TRIM38: variants seen among roughly 807,000 people sequenced by gnomAD.
TRIM38 encodes tripartite motif containing 38, also known as E3 ubiquitin-protein ligase TRIM38.
A neutral mutation model predicts 35.8 loss-of-function variants in TRIM38; 35 were observed. The observed-to-expected ratio is 0.98, with a 90% CI of 0.75 to 1.30. The LOEUF is 1.30. TRIM38 is among the 50% of genes most tolerant of loss of function. The probability of loss-of-function intolerance (pLI) is 0.00; values close to 1 mark genes in which losing one functional copy is unlikely to be tolerated. For missense variants in TRIM38, 545 were observed against 556.9 expected, an observed-to-expected ratio of 0.98 and a Z score of 0.21; for synonymous variants, 198 against 204.7, an observed-to-expected ratio of 0.97 and a Z score of 0.28.
At chr6:25,978,474 G>C (rs1760458416) in intron 7 of TRIM38, among the ~76,000 whole-genome samples, 1 of 151,898 alleles carries the variant, frequency 6.6e-6, no homozygotes, top group African/African-American at 2.4e-5. Flanking sequence ...GTGAAGCATT[G>C]ATTGGTACAT....
In TRIM38 at chr6:25,972,096, G is replaced by T. The variant is rs1411671098; in HGVS notation, c.735G>T (p.Leu245=). The change falls in exon 5 of 8, where the codon CTG becomes CTT. Residue 245 remains leucine (L), a synonymous_variant. Coordinates refer to ENST00000357085, the MANE Select transcript of TRIM38 (RefSeq NM_006355.5). ...GTCAGGGCTCAGCCCAGAAATTGCT[G>T]CAGGTGAGGCTGTGTACTTGGAGTA... ...EKCQGSAQKL[L]QNVNDTLSRS... 1 of 1,613,968 alleles carries T rather than the reference G, an allele frequency of 6.2e-7. No homozygotes were observed. Among genetic ancestry groups the T allele is most frequent in the Non-Finnish European group, 8.5e-7 (1 of 1,179,880 alleles).
Position 25,990,868 on chromosome 6 carries a change from T to A in TRIM38, c.*7181T>A, listed in dbSNP as rs1311989037. Reference sequence around the variant, plus strand: ...CAGGCCATCACTGTGATACATTTTTTAAAACACATTAAATTATCACCAGAA... The same window carrying A: ...CAGGCCATCACTGTGATACATTTTTAAAAACACATTAAATTATCACCAGAA... On this transcript the variant is annotated 3_prime_UTR_variant, in exon 8 of 8. Coordinates refer to ENST00000357085, the MANE Select transcript of TRIM38 (RefSeq NM_006355.5). The A allele has an allele frequency of 6.6e-6, 1 of 152,208 alleles. No homozygotes were observed. The highest frequency in any genetic ancestry group is 1.5e-5 in the Non-Finnish European group (1 of 68,034). The allele number at this position is 152,208 out of a possible 1,614,324, so 9.4% of individuals were successfully genotyped here. A position where few individuals can be genotyped will look rare whatever the true frequency, so the allele number is the denominator to read the frequency against.
rs150237996 is a variant in TRIM38, at chr6:25,984,354, C to T, written c.*667C>T. On this transcript the variant is annotated 3_prime_UTR_variant, in exon 8 of 8. Transcript: ENST00000357085. ...TTTGGTATTTTCCAGTCTGCTAGGA[C>T]CAATTACCTTGAAATATTTTAAAAT... 1,205 of 152,392 alleles carry T rather than the reference C, an allele frequency of 7.9e-3. 9 individuals are homozygous for T. The highest frequency in any genetic ancestry group is 0.044 in the Middle Eastern group (13 of 294). 9.4% of individuals were successfully genotyped at this position (152,392 alleles called of 1,614,324 possible). A position where few individuals can be genotyped will look rare whatever the true frequency, so the allele number is the denominator to read the frequency against.
intron 4 of TRIM38, among the ~76,000 whole-genome samples, chr6:25,970,491 A>T (rs1201846794): frequency 1.3e-5 from 2 of 152,150 alleles, no homozygotes; most frequent in Non-Finnish European, 2.9e-5. Flanking sequence ...CTCTTTCAGG[A>T]GTCCTCTCTA....
chr6:25,972,504 T>C (rs568716233), intron 5 of TRIM38, among the ~76,000 whole-genome samples: 2 of 152,204 alleles, frequency 1.3e-5, no homozygotes, highest in Non-Finnish European at 2.9e-5. Flanking sequence ...GCTTTATCTG[T>C]AGGAAGATAA....
At chr6:25,969,975 T>C (rs1474268996) in intron 4 of TRIM38, among the ~76,000 whole-genome samples, 1 of 152,158 alleles carries the variant, frequency 6.6e-6, no homozygotes. Context: ...TGGAGTGTAG[T>C]GGTGCGATCT....
At chr6:25,975,095 C>T (rs534684042) in intron 7 of TRIM38, 310 of 932,580 alleles carry the variant, frequency 3.3e-4, no homozygotes, top group Admixed American at 1.1e-3. Flanking sequence ...TGCAGTGGTG[C>T]GATCTCGGCT....
chr6:25,975,853 T>A (rs551949986), intron 7 of TRIM38, among the ~76,000 whole-genome samples: 18 of 152,226 alleles, frequency 1.2e-4, no homozygotes, highest in Non-Finnish European at 4.4e-5. Flanking sequence ...TATTACAATG[T>A]TGCTACAATA....
intron 2 of TRIM38, among the ~76,000 whole-genome samples, chr6:25,965,749 C>T (rs1434501686): frequency 6.6e-6 from 1 of 151,446 alleles, no homozygotes; most frequent in Non-Finnish European, 1.5e-5. Flanking sequence ...GAAACCCCAT[C>T]TCTACTAAAA....
In TRIM38 at chr6:25,983,487, C is replaced by G; in HGVS notation, c.1198C>G (p.Pro400Ala). The change falls in exon 8 of 8, where the codon CCA (proline) becomes GCA (alanine). Residue 400 changes from proline to alanine, a missense_variant. Coordinates refer to ENST00000357085, the MANE Select transcript of TRIM38 (RefSeq NM_006355.5). ...KKGYVALTSP[P>A]TSLHLHEQPL... is the part of the protein sequence containing the mutation. ...AGGCTATGTAGCACTTACTTCTCCC[C>G]CAACTTCCCTTCATCTGCATGAGCA... 6.2e-7 allele frequency: 1 copy of G among 1,614,128 alleles called. No individual in the cohort carries two copies. The highest frequency in any genetic ancestry group is 8.5e-7 in the Non-Finnish European group (1 of 1,180,024).
At chr6:25,967,793 A>G (rs1760109723) in intron 3 of TRIM38, among the ~76,000 whole-genome samples, 1 of 151,842 alleles carries the variant, frequency 6.6e-6, no homozygotes, top group African/African-American at 2.4e-5. Flanking sequence ...GCCTCCCAAA[A>G]TGCTGGGATT....
intron 7 of TRIM38, among the ~76,000 whole-genome samples, chr6:25,978,656 A>T (rs1760463685): frequency 6.6e-6 from 1 of 151,786 alleles, no homozygotes; most frequent in Admixed American, 6.6e-5. Context: ...ACAGGCCACC[A>T]TACCTGGCTA....
intron 7 of TRIM38, chr6:25,975,258 G>A: frequency 2.1e-6 from 1 of 475,346 alleles, no homozygotes; most frequent in Non-Finnish European, 2.7e-6. Context: ...TACCCAGGCT[G>A]GCTTGCAGTG....
At chr6:25,970,783 A>T (rs1760206816) in intron 4 of TRIM38, among the ~76,000 whole-genome samples, 1 of 152,138 alleles carries the variant, frequency 6.6e-6, no homozygotes, top group South Asian at 2.1e-4. Context: ...TAGAGAGTTT[A>T]TTTGGGCCAA....
In TRIM38 at chr6:25,986,834, A is replaced by G. The variant is rs1224103618; in HGVS notation, c.*3147A>G. The G allele has an allele frequency of 6.6e-6, 1 of 152,210 alleles. No homozygotes were observed. Among genetic ancestry groups the G allele is most frequent in the East Asian group, 1.9e-4 (1 of 5,186 alleles). The allele number at this position is 152,210 out of a possible 1,614,324, so 9.4% of individuals were successfully genotyped here. On this transcript the variant is annotated 3_prime_UTR_variant, in exon 8 of 8. Transcript: ENST00000357085. ...ACCCCTGGGATCCAAGAGAGCCACTAAAGTTCCAGCCATCATACTCACAAC... is the reference window on the plus strand; with the variant it reads ...ACCCCTGGGATCCAAGAGAGCCACTGAAGTTCCAGCCATCATACTCACAAC...
At chr6:25,973,703 G>A (rs1278351944) in intron 7 of TRIM38, 1 of 985,252 alleles carries the variant, frequency 1.0e-6, no homozygotes, top group Non-Finnish European at 1.2e-6. Context: ...ATTATCAATA[G>A]CTCAGCCAAC....
At chr6:25,973,825 C>A in intron 7 of TRIM38, 2 of 985,348 alleles carry the variant, frequency 2.0e-6, no homozygotes, top group Non-Finnish European at 2.4e-6. Flanking sequence ...TTTACAGATT[C>A]CAAAATGTTA....
chr6:25,967,023 A>G, intron 3 of TRIM38, 90 bp downstream of exon 3: 4 of 1,346,968 alleles, frequency 3.0e-6, no homozygotes, highest in Non-Finnish European at 4.0e-6. Context: ...ACCTAACATT[A>G]TGACTTGGAA....
Position 25,989,774 on chromosome 6 carries a change from A to G in TRIM38, c.*6087A>G, listed in dbSNP as rs1432140602. ...ATAACTGAAATAATTTCTCTTTATC[A>G]CCTCTTCTTATAAATATGGTTTTCT... On this transcript the variant is annotated 3_prime_UTR_variant, in exon 8 of 8. Coordinates refer to ENST00000357085, the MANE Select transcript of TRIM38 (RefSeq NM_006355.5). The G allele has an allele frequency of 6.6e-6, 1 of 151,520 alleles. No individual in the cohort carries two copies. The highest frequency in any genetic ancestry group is 1.5e-5 in the Non-Finnish European group (1 of 67,922). 9.4% of individuals were successfully genotyped at this position (151,520 alleles called of 1,614,324 possible).
Sources: gnomAD v4.1 joint callset for allele counts (sites outside exome capture counted in the v4.1 genomes callset) on GRCh38, gnomAD v4.1.1 for gene constraint, MANE v1.5 for transcripts, NCBI Gene and HGNC (gene_info 2026-07-23, HGNC 2026-07-21) for gene names.